The following TG variants were observed in gnomAD, a reference collection of about 807,000 sequenced individuals.
TG encodes the protein thyroglobulin, also known as thyroid hormones.
A neutral mutation model predicts 324.7 loss-of-function variants in TG; 270 were observed. The observed-to-expected ratio is 0.83, with a 90% CI of 0.75 to 0.92. The LOEUF (loss-of-function observed/expected upper bound fraction) is 0.92. TG is among the 40% of genes least tolerant of loss of function. The probability of loss-of-function intolerance (pLI) is 0.00; values close to 1 mark genes in which losing one functional copy is unlikely to be tolerated. For synonymous variants in TG, 1,401 were observed against 1,327.0 expected (o/e 1.06, Z -1.21); for missense variants, 3,591 against 3,456.4 (o/e 1.04, Z -0.98).
In TG at chr8:132,972,723, G is replaced by C. The variant is rs115436575; in HGVS notation, c.6181G>C (p.Gly2061Arg). Residue 2061 changes from glycine (G) to arginine (R), a missense_variant, in exon 34 of 48, where the codon GGA becomes CGA. Transcript: ENST00000220616. ...PDIEVHTYPF[G>R]WYQKPIAQNN... ...CATTGAAGTCCACACCTATCCCTTC[G>C]GATGGTACCAGAAGCCCAGTAAGTA... 1.9e-6 allele frequency: 3 copies of C among 1,613,938 alleles called. No homozygotes were observed. Among genetic ancestry groups the C allele is most frequent in the Non-Finnish European group, 2.5e-6 (3 of 1,179,978 alleles).
intron 27 of TG, among the ~76,000 whole-genome samples, chr8:132,949,737 A>C (rs1346874630): frequency 6.6e-6 from 1 of 152,178 alleles, no homozygotes; most frequent in Non-Finnish European, 1.5e-5. Flanking sequence ...TCTTTTCTAC[A>C]AACATATAAA....
chr8:133,069,072 G>A (rs889972922), intron 41 of TG, among the ~76,000 whole-genome samples: 7 of 152,230 alleles, frequency 4.6e-5, no homozygotes, highest in African/African-American at 9.6e-5. Context: ...TAGGAAACAG[G>A]CCTTTTCTTT....
At chr8:133,036,011 G>C (rs2131024645) in intron 41 of TG, among the ~76,000 whole-genome samples, 1 of 152,178 alleles carries the variant, frequency 6.6e-6, no homozygotes, top group Admixed American at 6.5e-5. Context: ...TCCTTCCCTA[G>C]CTCCCTCAGT....
chr8:133,053,196 G>C (rs540815737), intron 41 of TG, among the ~76,000 whole-genome samples: 12 of 152,122 alleles, frequency 7.9e-5, no homozygotes, highest in Non-Finnish European at 1.3e-4. Context: ...CCTTCCTGCT[G>C]TACTAATTCT....
chr8:132,878,235 G>T (rs559302863), intron 5 of TG, among the ~76,000 whole-genome samples: 1 of 152,106 alleles, frequency 6.6e-6, no homozygotes, highest in Non-Finnish European at 1.5e-5. Flanking sequence ...TCATGAAGGG[G>T]GGAACACTGT....
chr8:132,931,047 A>C (rs1404386644), intron 23 of TG, among the ~76,000 whole-genome samples: 2 of 152,194 alleles, frequency 1.3e-5, no homozygotes, highest in Admixed American at 1.3e-4. Flanking sequence ...CTTAAACAAC[A>C]AAATGGATTT....
intron 1 of TG, 73 bp from the exon 2 acceptor site, chr8:132,868,042 C>T: frequency 2.2e-6 from 3 of 1,361,548 alleles, no homozygotes; most frequent in Non-Finnish European, 3.2e-6. Context: ...AGCATCTGTG[C>T]TTATGAGAGC....
At chr8:132,885,131 G>A (rs937192097) in intron 8 of TG, among the ~76,000 whole-genome samples, 2 of 146,450 alleles carry the variant, frequency 1.4e-5, no homozygotes, top group African/African-American at 5.0e-5. Context: ...TTAAAAGTTG[G>A]GGGGGGGGCG....
chr8:132,873,782 A>T (rs1587181833), intron 5 of TG, among the ~76,000 whole-genome samples: 1 of 152,214 alleles, frequency 6.6e-6, no homozygotes, highest in Non-Finnish European at 1.5e-5. Flanking sequence ...AGGTCTCTAT[A>T]TAAGACTATG....
chr8:132,950,942 G>A (rs898201495), intron 27 of TG, among the ~76,000 whole-genome samples: 6 of 152,116 alleles, frequency 3.9e-5, no homozygotes, highest in Non-Finnish European at 8.8e-5. Context: ...TCATTGTCCC[G>A]GTTTGCCAGC....
chr8:133,097,639 A>G (rs1478572905), intron 43 of TG, among the ~76,000 whole-genome samples: 2 of 152,332 alleles, frequency 1.3e-5, no homozygotes, highest in African/African-American at 2.4e-5. Context: ...GTAAGTGTGT[A>G]TATTTGTATG....
intron 45 of TG, 50 bp downstream of exon 45, chr8:133,116,766 G>C: frequency 1.3e-6 from 2 of 1,503,272 alleles, no homozygotes; most frequent in Non-Finnish European, 1.9e-6. Flanking sequence ...CGAATGATAA[G>C]TCCCAGTTCG....
chr8:133,083,851 C>A (rs1226257759), intron 41 of TG, among the ~76,000 whole-genome samples: 10 of 152,154 alleles, frequency 6.6e-5, no homozygotes, highest in African/African-American at 2.4e-4. Context: ...TCTAGTGAAG[C>A]CACCTCCTCC....
intron 39 of TG, 38 bp downstream of exon 39, chr8:133,019,733 C>G: frequency 1.3e-6 from 2 of 1,558,734 alleles, no homozygotes; most frequent in Non-Finnish European, 1.8e-6. Context: ...GCCCTGAAGA[C>G]TGTCCCATTA....
rs1349740623 is a variant in TG, at chr8:132,897,633, C to T, written c.3002-16C>T. The T allele has an allele frequency of 1.2e-6, 2 of 1,614,118 alleles. No individual in the cohort carries two copies. Among genetic ancestry groups the T allele is most frequent in the Admixed American group, 1.7e-5 (1 of 60,028 alleles). ...GCAGGTGGTCATATTCTGCTTTTCT[C>T]CTTCCCTGACTCCAGCCTTAAGCTT... On this transcript the variant is annotated splice_polypyrimidine_tract_variant and intron_variant, in intron 11 of 47. Transcript: ENST00000220616.
intron 41 of TG, chr8:133,060,281 C>T (rs897041832): frequency 2.8e-5 from 45 of 1,593,624 alleles, no homozygotes; most frequent in Admixed American, 5.4e-5. Context: ...TAGAGAGCAT[C>T]GTGCATCATT....
chr8:132,953,692 T>C (rs1826432106), intron 27 of TG, among the ~76,000 whole-genome samples: 1 of 152,224 alleles, frequency 6.6e-6, no homozygotes, highest in Non-Finnish European at 1.5e-5. Context: ...GGTTTCTCTT[T>C]CCTGCCATCA....
intron 44 of TG, among the ~76,000 whole-genome samples, chr8:133,115,714 C>A (rs927042905): frequency 6.6e-6 from 1 of 152,198 alleles, no homozygotes; most frequent in Non-Finnish European, 1.5e-5. Flanking sequence ...CTCTGCAATG[C>A]AGATGGGATT....
chr8:132,904,537 A>G lies in TG; in HGVS notation c.3635-2151A>G, dbSNP rs895739344. On this transcript the variant is annotated intron_variant, in intron 16 of 47. Coordinates refer to ENST00000220616, the MANE Select transcript of TG (RefSeq NM_003235.5). ...CCACTCCTCCCTGGCCGTGGGGGCC[A>G]GCAGGGTTGTTCCATAGCCAGGGAG... is the stretch of plus-strand genomic sequence containing the variant. 2.0e-5 allele frequency among the ~76,000 whole-genome samples: 3 copies of G among 152,190 alleles called. No homozygotes were observed. In the South Asian group the frequency reaches 6.2e-4, roughly 32 times the overall value.
Sources: allele counts gnomAD v4.1 joint callset (sites outside exome capture counted in the v4.1 genomes callset), GRCh38; gene constraint gnomAD v4.1.1; transcripts MANE v1.5; gene names NCBI Gene and HGNC (gene_info 2026-07-23, HGNC 2026-07-21).